The following KDM4C variants were observed in gnomAD, a reference collection of about 807,000 sequenced individuals.
KDM4C encodes lysine demethylase 4C.
KDM4C carries 81 observed loss-of-function variants against 129.3 expected under a neutral mutation model. The ratio of observed to expected loss-of-function variants is 0.63; its 90% confidence interval spans 0.52 to 0.75. The LOEUF (loss-of-function observed/expected upper bound fraction) is 0.75, where lower values mean the gene tolerates loss of function less well. Ranked by LOEUF, KDM4C falls within the 30% of genes least tolerant of loss-of-function variation. KDM4C has a pLI of 0.00. For missense variants in KDM4C, 1,457 were observed against 1,304.0 expected (o/e 1.12, Z -1.81); for synonymous variants, 573 against 456.1 (o/e 1.26, Z -3.26).
chr9:6,788,302 T>A (rs532694431), intron 1 of KDM4C, among the ~76,000 whole-genome samples: 1 of 152,372 alleles, frequency 6.6e-6, no homozygotes, highest in African/African-American at 2.4e-5. Context: ...TAACTATTTG[T>A]TGAATGACTC....
chr9:7,024,050 C>G (rs1306113861), intron 15 of KDM4C, among the ~76,000 whole-genome samples: 2 of 152,186 alleles, frequency 1.3e-5, no homozygotes, highest in Non-Finnish European at 2.9e-5. Context: ...TGTGACCTAA[C>G]ATGACCTATC....
chr9:6,995,703 G>A (rs1043540291), intron 12 of KDM4C, among the ~76,000 whole-genome samples: 2 of 151,766 alleles, frequency 1.3e-5, no homozygotes, highest in South Asian at 2.1e-4. Context: ...ATGGCGTCTC[G>A]CACTGTCGCC....
At chr9:6,914,664 G>A (rs1405971840) in intron 8 of KDM4C, among the ~76,000 whole-genome samples, 5 of 152,232 alleles carry the variant, frequency 3.3e-5, no homozygotes, top group African/African-American at 1.2e-4. Context: ...GGGGCCTGTA[G>A]TAAATGATTA....
At chr9:6,905,392 T>G (rs1818143036) in intron 8 of KDM4C, among the ~76,000 whole-genome samples, 1 of 152,180 alleles carries the variant, frequency 6.6e-6, no homozygotes, top group Non-Finnish European at 1.5e-5. Flanking sequence ...TCCTGAAATG[T>G]CTAGATTGCC....
At chr9:6,743,801 C>G (rs1422621583) in intron 1 of KDM4C, among the ~76,000 whole-genome samples, 1 of 152,132 alleles carries the variant, frequency 6.6e-6, no homozygotes, top group Non-Finnish European at 1.5e-5. Context: ...GTCACCATGC[C>G]TGTCCCAGAT....
At chr9:7,038,601 C>T (rs955885630) in intron 15 of KDM4C, among the ~76,000 whole-genome samples, 8 of 151,960 alleles carry the variant, frequency 5.3e-5, no homozygotes, top group African/African-American at 1.9e-4. Context: ...CCAGAGGTAA[C>T]TATTTTCTCC....
intron 4 of KDM4C, among the ~76,000 whole-genome samples, chr9:6,824,798 G>T (rs548394921): frequency 6.6e-6 from 1 of 152,164 alleles, no homozygotes; most frequent in Admixed American, 6.5e-5. Flanking sequence ...TAAAAAATTA[G>T]TAGGAAGAGT....
rs751573661 is a variant in KDM4C at position 7,165,374 on chromosome 9, C to T, written c.2901+17C>T. 2.5e-6 allele frequency: 4 copies of T among 1,612,458 alleles called. No homozygotes were observed. The highest frequency in any genetic ancestry group is 1.7e-5 in the Admixed American group (1 of 59,898). On this transcript the variant is annotated intron_variant, in intron 20 of 21. Coordinates refer to ENST00000381309, the MANE Select transcript of KDM4C (RefSeq NM_015061.6). ...ATGTACCAGGTGGGTTCTTCCTTCT[C>T]TGTGATGCTTGCTAAGATTGACATG...
intron 1 of KDM4C, among the ~76,000 whole-genome samples, chr9:6,749,166 T>C (rs528286591): frequency 1.3e-5 from 2 of 152,292 alleles, no homozygotes; most frequent in African/African-American, 2.4e-5. Context: ...ATTACAGGCA[T>C]GCACCACCAC....
intron 19 of KDM4C, among the ~76,000 whole-genome samples, chr9:7,140,259 C>T (rs1179788100): frequency 2.0e-5 from 3 of 152,152 alleles, no homozygotes; most frequent in Non-Finnish European, 4.4e-5. Context: ...AGGCCTCTTC[C>T]GCCCTGCTCA....
chr9:7,116,445 A>G (rs1000494773), intron 18 of KDM4C, among the ~76,000 whole-genome samples: 1 of 152,190 alleles, frequency 6.6e-6, no homozygotes, highest in African/African-American at 2.4e-5. Flanking sequence ...GATCAAGAAC[A>G]GGAGGGCCAC....
chr9:6,753,107 T>C (rs1483673603), upstream of KDM4C, among the ~76,000 whole-genome samples: 1 of 152,202 alleles, frequency 6.6e-6, no homozygotes, highest in Non-Finnish European at 1.5e-5. Context: ...TCTACCCCAA[T>C]GGATGGTTTG....
intron 17 of KDM4C, chr9:7,076,467 C>T (rs766100605): frequency 2.6e-6 from 4 of 1,542,828 alleles, no homozygotes; most frequent in Admixed American, 2.0e-5. Context: ...GCAACAGTAA[C>T]AACAACAACA....
chr9:6,969,952 G>A lies in KDM4C; in HGVS notation c.922-10973G>A, dbSNP rs556385826. On this transcript the variant is annotated intron_variant, in intron 8 of 21. Transcript: ENST00000381309. ...GCAGAGATGACTGTTAGCTTCTGTA[G>A]GATAACAAGCTACCGACACATTCCC... Among the ~76,000 whole-genome samples the A allele has an allele frequency of 1.8e-3, 279 of 152,262 alleles. 4 individuals are homozygous for A. Among genetic ancestry groups the A allele is most frequent in the South Asian group, 1.2e-3 (6 of 4,828 alleles).
chr9:6,792,718 G>T (rs139669260), intron 1 of KDM4C, among the ~76,000 whole-genome samples: 1 of 152,236 alleles, frequency 6.6e-6, no homozygotes, highest in East Asian at 1.9e-4. Context: ...GAAGGGTTTT[G>T]AGGAGGCTAA....
At chr9:7,052,982 AGT>A (rs1010415483) in intron 17 of KDM4C, among the ~76,000 whole-genome samples, 7 of 149,174 alleles carry the variant, frequency 4.7e-5, no homozygotes, top group Non-Finnish European at 7.4e-5. Flanking sequence ...TCCAAAGGAC[AGT>A]TTTTTAGTTT....
chr9:6,876,876 A>AT (rs1843643611), intron 5 of KDM4C, among the ~76,000 whole-genome samples: 1 of 152,332 alleles, frequency 6.6e-6, no homozygotes, highest in Non-Finnish European at 1.5e-5. Flanking sequence ...GGAAAAAAAA[A>AT]TCTGAAGGAA....
intron 8 of KDM4C, among the ~76,000 whole-genome samples, chr9:6,970,855 C>A (rs1042036583): frequency 7.2e-6 from 1 of 139,454 alleles, no homozygotes; most frequent in African/African-American, 2.6e-5. Flanking sequence ...AGGAACAACT[C>A]ATGGAATGTA....
At chr9:6,749,656 A>T (rs533889621) in intron 1 of KDM4C, among the ~76,000 whole-genome samples, 16 of 151,998 alleles carry the variant, frequency 1.1e-4, no homozygotes, top group Non-Finnish European at 2.1e-4. Flanking sequence ...CAACAGAGTG[A>T]GAGCCTGTCT....
Sources: allele counts gnomAD v4.1 joint callset (sites outside exome capture counted in the v4.1 genomes callset), GRCh38; gene constraint gnomAD v4.1.1; transcripts MANE v1.5; gene names NCBI Gene and HGNC (gene_info 2026-07-23, HGNC 2026-07-21).